CNTN1: variants seen among roughly 807,000 people sequenced by gnomAD.
CNTN1 encodes the protein contactin-1.
A neutral mutation model predicts 126.4 loss-of-function variants in CNTN1; 38 were observed. That is an observed-to-expected ratio of 0.30 (90% CI 0.23 to 0.39). The LOEUF is 0.39. CNTN1 is among the 10% of genes least tolerant of loss of function. CNTN1 has a pLI of 1.00. For missense variants in CNTN1, 1,009 were observed against 1,248.4 expected (o/e 0.81, Z 2.89); for synonymous variants, 413 against 422.6 (o/e 0.98, Z 0.28).
chr12:40,795,274 TACACACACAC>T (rs71078269), intron 1 of CNTN1, among the ~76,000 whole-genome samples: 28,682 of 123,216 alleles, frequency 0.23, 3,496 homozygotes, highest in South Asian at 0.34. Flanking sequence ...TCTACATGTA[TACACACACAC>T]ACACACACAC....
At chr12:41,042,874 A>G (rs1484465604) in intron 23 of CNTN1, among the ~76,000 whole-genome samples, 3 of 152,156 alleles carry the variant, frequency 2.0e-5, no homozygotes, top group African/African-American at 7.2e-5. Flanking sequence ...ATCTTTGACA[A>G]ACCTGGGAAA....
At chr12:40,999,598 A>G (rs1948304365) in intron 17 of CNTN1, among the ~76,000 whole-genome samples, 1 of 152,156 alleles carries the variant, frequency 6.6e-6, no homozygotes, top group African/African-American at 2.4e-5. Flanking sequence ...TGCTAAGGCT[A>G]CAATTGAACA....
chr12:40,750,700 A>G (rs1390115039), intron 1 of CNTN1, among the ~76,000 whole-genome samples: 1 of 152,086 alleles, frequency 6.6e-6, no homozygotes, highest in African/African-American at 2.4e-5. Flanking sequence ...AGAATCAGAA[A>G]AGAGGAAAAA....
At chr12:41,061,724 C>A (rs182478377) in intron 23 of CNTN1, 12 of 449,788 alleles carry the variant, frequency 2.7e-5, no homozygotes, top group Admixed American at 2.6e-4. Context: ...GTAGTAGGAA[C>A]CTTAAAACTT....
At chr12:40,772,682 T>C (rs955063278) in intron 1 of CNTN1, among the ~76,000 whole-genome samples, 45 of 152,024 alleles carry the variant, frequency 3.0e-4, no homozygotes, top group Middle Eastern at 3.4e-3. Context: ...TGGGAAGGCA[T>C]TGAATATATC....
chr12:40,934,049 G>A (rs748303254), intron 9 of CNTN1, among the ~76,000 whole-genome samples, 171 bp downstream of exon 9: 2 of 151,986 alleles, frequency 1.3e-5, no homozygotes, highest in Non-Finnish European at 2.9e-5. Flanking sequence ...TCACAACTAT[G>A]AGTTATAGAA....
intron 1 of CNTN1, among the ~76,000 whole-genome samples, chr12:40,766,802 C>T (rs1187832781): frequency 6.6e-6 from 1 of 152,132 alleles, no homozygotes; most frequent in Non-Finnish European, 1.5e-5. Flanking sequence ...TCAGTTGGGT[C>T]TGAGGTCAGG....
At chr12:40,908,155 G>T (rs1386067618) in intron 1 of CNTN1, among the ~76,000 whole-genome samples, 1 of 152,172 alleles carries the variant, frequency 6.6e-6, no homozygotes, top group Non-Finnish European at 1.5e-5. Context: ...GCATTACACG[G>T]TGTTTACAAA....
chr12:41,045,265 T>C (rs1052389760), intron 23 of CNTN1, among the ~76,000 whole-genome samples: 1 of 152,088 alleles, frequency 6.6e-6, no homozygotes, highest in Admixed American at 6.6e-5. Context: ...TTAATAGATA[T>C]ATGCATCAAC....
chr12:40,772,094 C>T (rs1424434104), intron 1 of CNTN1, among the ~76,000 whole-genome samples: 5 of 152,038 alleles, frequency 3.3e-5, no homozygotes, highest in Non-Finnish European at 4.4e-5. Context: ...TTGGCTTCAC[C>T]TCCAACCCTT....
chr12:41,019,941 T>G (rs1727731806), intron 19 of CNTN1, among the ~76,000 whole-genome samples: 1 of 152,176 alleles, frequency 6.6e-6, no homozygotes, highest in African/African-American at 2.4e-5. Flanking sequence ...ATATTAATAA[T>G]TTTAATTTGC....
chr12:41,059,798 G>A (rs193260609), intron 23 of CNTN1, among the ~76,000 whole-genome samples: 39 of 152,260 alleles, frequency 2.6e-4, no homozygotes, highest in Non-Finnish European at 5.3e-4. Context: ...GTCGAGGTGA[G>A]AGGATTGCTT....
At chr12:40,720,153 A>G (rs1810057035) in intron 1 of CNTN1, among the ~76,000 whole-genome samples, 1 of 151,704 alleles carries the variant, frequency 6.6e-6, no homozygotes, top group African/African-American at 2.4e-5. Context: ...GCCAAGCCTA[A>G]TGTGGCTTTC....
rs143400168 is a variant in CNTN1, at chr12:40,808,589, A to G, written c.-76-99768A>G. On this transcript the variant is annotated intron_variant, in intron 1 of 23. Transcript: ENST00000551295. ...AATATAATTTAAAGCTTATCATTTA[A>G]TTATTAATGATGACTGTGATTTTTT... 4.7e-3 allele frequency among the ~76,000 whole-genome samples: 720 copies of G among 152,306 alleles called. 3 individuals carry two copies. The highest frequency in any genetic ancestry group is 0.016 in the African/African-American group (653 of 41,574).
At chr12:40,765,975 C>T (rs10879152) in intron 1 of CNTN1, among the ~76,000 whole-genome samples, 11,741 of 152,136 alleles carry the variant, frequency 0.077, 519 homozygotes, top group Non-Finnish European at 0.092. Flanking sequence ...CTGGAGATGC[C>T]TATGGTTATT....
intron 6 of CNTN1, among the ~76,000 whole-genome samples, chr12:40,925,607 G>A (rs544619988): frequency 6.4e-5 from 9 of 141,606 alleles, no homozygotes; most frequent in Admixed American, 2.1e-4. Context: ...ATATATATAC[G>A]TGTATATATA....
chr12:40,839,991 C>G (rs369764161), intron 1 of CNTN1, among the ~76,000 whole-genome samples: 2 of 152,052 alleles, frequency 1.3e-5, no homozygotes, highest in African/African-American at 4.8e-5. Flanking sequence ...CAAAGCCTCA[C>G]GTATCAATAA....
At position 41,070,640 on chromosome 12, in the gene CNTN1, T is replaced by C. The variant is rs1950140711; in HGVS notation, c.*605T>C. 6.6e-6 allele frequency: 1 copy of C among 152,448 alleles called. No individual in the cohort carries two copies. The highest frequency in any genetic ancestry group is 1.5e-5 in the Non-Finnish European group (1 of 68,214). The allele number at this position is 152,448 out of a possible 1,614,324, so 9.4% of individuals were successfully genotyped here. A position where few individuals can be genotyped will look rare whatever the true frequency, so the allele number is the denominator to read the frequency against. ...AGATTTTGACTATTGAAAACCAAAT[T>C]CTAGAACTTACTATCAGTATTCTTA... is the stretch of plus-strand genomic sequence containing the variant. On this transcript the variant is annotated 3_prime_UTR_variant, in exon 24 of 24. Transcript: ENST00000551295.
At chr12:40,935,086 C>T (rs558050111) in intron 9 of CNTN1, among the ~76,000 whole-genome samples, 33 of 151,952 alleles carry the variant, frequency 2.2e-4, no homozygotes, top group East Asian at 3.9e-4. Context: ...TGATCCCACT[C>T]GTGATCATGG....
Sources: allele counts gnomAD v4.1 joint callset (sites outside exome capture counted in the v4.1 genomes callset), GRCh38; gene constraint gnomAD v4.1.1; transcripts MANE v1.5; gene names NCBI Gene and HGNC (gene_info 2026-07-23, HGNC 2026-07-21).